VPS8: variants seen among roughly 807,000 people sequenced by gnomAD.
The protein encoded by VPS8 is VPS8 subunit of CORVET complex, also known as vacuolar protein sorting-associated protein 8 homolog.
A neutral mutation model predicts 216.4 loss-of-function variants in VPS8; 129 were observed. The observed-to-expected ratio is 0.60, with a 90% CI of 0.52 to 0.69. VPS8 has a LOEUF of 0.69. Among genes scored for constraint, VPS8 ranks in the 30% least tolerant of loss-of-function variants. The probability of loss-of-function intolerance (pLI) is 0.00; values close to 1 mark genes in which losing one functional copy is unlikely to be tolerated. For missense variants in VPS8, 1,531 were observed against 1,683.5 expected (o/e 0.91, Z 1.59); for synonymous variants, 571 against 565.4 (o/e 1.01, Z -0.14).
intron 8 of VPS8, 105 bp downstream of exon 8, chr3:184,843,350 T>G (rs1722538410): frequency 1.2e-6 from 1 of 863,584 alleles, no homozygotes; most frequent in East Asian, 3.4e-5. Flanking sequence ...GAAATGCTTA[T>G]TGAAAAAAAC....
chr3:185,043,777 G>A (rs1206297236), intron 46 of VPS8, among the ~76,000 whole-genome samples: 1 of 152,134 alleles, frequency 6.6e-6, no homozygotes, highest in African/African-American at 2.4e-5. Context: ...AATTAAAGCA[G>A]AATCATGAAG....
rs540250949 is a variant in VPS8, at chr3:184,910,348, T to C, written c.2147-3171T>C. On this transcript the variant is annotated intron_variant, in intron 25 of 47. Transcript: ENST00000625842. ...GATTGTTGCTTTTTCTGTGATGGCCTCCAGCTCTGCTGTGCTTGCCACACA... is the reference window on the plus strand; with the variant it reads ...GATTGTTGCTTTTTCTGTGATGGCCCCCAGCTCTGCTGTGCTTGCCACACA... Among the ~76,000 whole-genome samples, 3 of 152,282 alleles carry C rather than the reference T, an allele frequency of 2.0e-5. No individual in the cohort carries two copies. In the East Asian group the frequency reaches 5.8e-4, roughly 29 times the overall value.
At chr3:184,984,183 C>CAAAAAAAAAAAAA (rs1453935100) in intron 42 of VPS8, among the ~76,000 whole-genome samples, 73 of 2,886 alleles carry the variant, frequency 0.025, 36 homozygotes, top group Admixed American at 0.051. Flanking sequence ...GACTCCGTCT[C>CAAAAAAAAAAAAA]AAAAAAAAAA....
chr3:185,029,890 T>C (rs1050475759), intron 46 of VPS8, among the ~76,000 whole-genome samples: 2 of 152,182 alleles, frequency 1.3e-5, no homozygotes, highest in African/African-American at 4.8e-5. Flanking sequence ...TTACTAGCAT[T>C]TTGCATTATA....
chr3:184,983,878 A>T (rs960140543), intron 42 of VPS8, among the ~76,000 whole-genome samples: 1 of 150,560 alleles, frequency 6.6e-6, no homozygotes, highest in African/African-American at 2.4e-5. Context: ...TGTTCCTGTC[A>T]GCTCTTTTAA....
intron 34 of VPS8, 85 bp from the exon 35 acceptor site, chr3:184,936,161 G>C (rs2109286081): frequency 8.7e-7 from 1 of 1,145,758 alleles, no homozygotes; most frequent in South Asian, 1.4e-5. Context: ...CGACTGTATT[G>C]AGGTAGGTAA....
chr3:184,880,413 T>C (rs922523912), intron 21 of VPS8, among the ~76,000 whole-genome samples: 2 of 151,948 alleles, frequency 1.3e-5, no homozygotes, highest in Admixed American at 1.3e-4. Flanking sequence ...AATCATAGAG[T>C]GTGTAACCTT....
rs1246803629 is a variant in VPS8 at position 185,020,410 on chromosome 3, A to G, written c.4003-3926A>G. ...TTTTATTTGCTTTGTTTGAGCTGTTATATTTCTTAAATTTCTGTCACTGAA... is the reference window on the plus strand; with the variant it reads ...TTTTATTTGCTTTGTTTGAGCTGTTGTATTTCTTAAATTTCTGTCACTGAA... On this transcript the variant is annotated intron_variant, in intron 45 of 47. Transcript: ENST00000625842. Among the ~76,000 whole-genome samples the G allele has an allele frequency of 7.2e-4, 109 of 150,404 alleles. 1 individual carries two copies. Among genetic ancestry groups the G allele is most frequent in the Non-Finnish European group, 2.4e-4 (16 of 67,718 alleles).
At chr3:185,002,569 C>T (rs1753560747) in intron 45 of VPS8, among the ~76,000 whole-genome samples, 1 of 151,982 alleles carries the variant, frequency 6.6e-6, no homozygotes, top group Non-Finnish European at 1.5e-5. Flanking sequence ...TACCCTATGC[C>T]CAGTGTGTAC....
intron 45 of VPS8, among the ~76,000 whole-genome samples, chr3:185,017,564 A>C (rs1755983882): frequency 6.6e-6 from 1 of 152,134 alleles, no homozygotes; most frequent in Non-Finnish European, 1.5e-5. Context: ...GAATTTCCTC[A>C]TTGTAATCTG....
At chr3:184,970,618 A>G (rs1282126360) in intron 39 of VPS8, among the ~76,000 whole-genome samples, 1 of 152,206 alleles carries the variant, frequency 6.6e-6, no homozygotes, top group African/African-American at 2.4e-5. Context: ...GAATAGGGCA[A>G]CACCAGAGCT....
intron 44 of VPS8, 145 bp downstream of exon 44, chr3:184,996,646 A>G: frequency 1.1e-6 from 1 of 915,062 alleles, no homozygotes; most frequent in Admixed American, 3.0e-5. Flanking sequence ...TACATTCTGC[A>G]TTGGGGTGGA....
intron 37 of VPS8, 89 bp from the exon 38 acceptor site, chr3:184,964,379 A>T (rs1230467616): frequency 1.4e-6 from 1 of 695,178 alleles, no homozygotes; most frequent in Non-Finnish European, 2.2e-6. Flanking sequence ...TTCATTATTT[A>T]TCATATGAGT....
intron 37 of VPS8, among the ~76,000 whole-genome samples, chr3:184,961,027 C>T (rs1639872142): frequency 6.6e-6 from 1 of 152,100 alleles, no homozygotes; most frequent in African/African-American, 2.4e-5. Context: ...GGAATTCTAA[C>T]CAACTCAATA....
At chr3:185,043,297 C>A (rs1380152925) in intron 46 of VPS8, among the ~76,000 whole-genome samples, 1 of 152,196 alleles carries the variant, frequency 6.6e-6, no homozygotes, top group Non-Finnish European at 1.5e-5. Flanking sequence ...AAAATAATTT[C>A]TCCTTCATTG....
In VPS8 at chr3:184,884,035, A is replaced by C. The variant is rs184565429; in HGVS notation, c.1735-2075A>C. On this transcript the variant is annotated intron_variant, in intron 21 of 47. Coordinates refer to ENST00000625842, the MANE Select transcript of VPS8 (RefSeq NM_001009921.3). ...AGGGTGATCTCTGGGGAGTTTTTGA[A>C]CTTGCTTCTTTCAAGTATCTGAGGA... Among the ~76,000 whole-genome samples, 105 of 152,046 alleles carry C rather than the reference A, an allele frequency of 6.9e-4. 1 individual carries two copies. The highest frequency in any genetic ancestry group is 2.4e-3 in the African/African-American group (101 of 41,480).
intron 1 of VPS8, among the ~76,000 whole-genome samples, chr3:184,820,156 A>G (rs1717249031): frequency 6.6e-6 from 1 of 152,220 alleles, no homozygotes; most frequent in Non-Finnish European, 1.5e-5. Flanking sequence ...AGTTAGTAGT[A>G]TAAAACAATG....
intron 26 of VPS8, 58 bp downstream of exon 26, chr3:184,913,619 T>G: frequency 7.2e-7 from 1 of 1,385,408 alleles, no homozygotes; most frequent in Non-Finnish European, 9.9e-7. Context: ...TTTCCTATAT[T>G]TTTAGAGATA....
intron 26 of VPS8, 29 bp downstream of exon 26, chr3:184,913,590 T>A: frequency 6.6e-7 from 1 of 1,514,614 alleles, no homozygotes; most frequent in Non-Finnish European, 9.0e-7. Flanking sequence ...TTCATCTGCA[T>A]GTATGTTCTT....
Sources: allele counts gnomAD v4.1 joint callset (sites outside exome capture counted in the v4.1 genomes callset), GRCh38; gene constraint gnomAD v4.1.1; transcripts MANE v1.5; gene names NCBI Gene and HGNC (gene_info 2026-07-23, HGNC 2026-07-21).